Variants in ADAM32 observed in about 807,000 individuals in gnomAD.
ADAM32 encodes the protein ADAM metallopeptidase domain 32.
ADAM32 carries 89 observed loss-of-function variants against 114.9 expected under a neutral mutation model. That is an observed-to-expected ratio of 0.77 (90% CI 0.65 to 0.92). The LOEUF is 0.92. ADAM32 is among the 40% of genes least tolerant of loss of function. ADAM32 has a pLI of 0.00. For missense variants in ADAM32, 870 were observed against 932.8 expected (o/e 0.93, Z 0.88); for synonymous variants, 285 against 307.5 (o/e 0.93, Z 0.77).
chr8:39,233,931 A>T lies in ADAM32; in HGVS notation c.1667A>T (p.Tyr556Phe). The T allele has an allele frequency of 6.3e-7, 1 of 1,587,570 alleles. No homozygotes were observed. The highest frequency in any genetic ancestry group is 8.6e-7 in the Non-Finnish European group (1 of 1,166,174). ...ATATGTGGAAGATTAGTTTGTACCTACCCTACTCGAAAGCCTTTCCATCAA... is the reference window on the plus strand; with the variant it reads ...ATATGTGGAAGATTAGTTTGTACCTTCCCTACTCGAAAGCCTTTCCATCAA... ...NLICGRLVCT[Y>F]PTRKPFHQEN... Residue 556 changes from tyrosine (Y) to phenylalanine (F), a missense_variant, in exon 16 of 25, where the codon TAC (tyrosine) becomes TTC (phenylalanine). Coordinates refer to ENST00000379907, the MANE Select transcript of ADAM32 (RefSeq NM_145004.7).
intron 19 of ADAM32, among the ~76,000 whole-genome samples, chr8:39,265,145 G>A (rs1812276843): frequency 6.6e-6 from 1 of 152,110 alleles, no homozygotes; most frequent in South Asian, 2.1e-4. Flanking sequence ...CTCTTCGTAG[G>A]TCTCTAGGAA....
At chr8:39,228,516 C>T (rs1809540219) in intron 14 of ADAM32, among the ~76,000 whole-genome samples, 1 of 152,146 alleles carries the variant, frequency 6.6e-6, no homozygotes, top group Non-Finnish European at 1.5e-5. Context: ...TTTGGACACA[C>T]TGTTAGAAAT....
chr8:39,276,695 A>AT (rs1249653498), intron 22 of ADAM32, among the ~76,000 whole-genome samples: 1 of 152,070 alleles, frequency 6.6e-6, no homozygotes, highest in African/African-American at 2.4e-5. Context: ...CTCATTTTTA[A>AT]TCTGCCTCAT....
chr8:39,229,287 C>CA (rs1199652782), intron 14 of ADAM32, among the ~76,000 whole-genome samples: 2 of 152,066 alleles, frequency 1.3e-5, no homozygotes, highest in Admixed American at 6.5e-5. Flanking sequence ...AAAGCAAAAA[C>CA]AAAAAACCCA....
At chr8:39,119,605 A>G (rs965464242) in intron 2 of ADAM32, among the ~76,000 whole-genome samples, 1 of 151,742 alleles carries the variant, frequency 6.6e-6, no homozygotes, top group African/African-American at 2.4e-5. Flanking sequence ...TATTCTGGAC[A>G]CAACTTCTCT....
chr8:39,249,409 G>C lies in ADAM32; in HGVS notation c.1902+3243G>C, dbSNP rs1585641847. ...AATCTGATTTACTAATGTATAGTGAGAGTTTTTTGCATCTTTGCATCGACA... is the reference window on the plus strand; with the variant it reads ...AATCTGATTTACTAATGTATAGTGACAGTTTTTTGCATCTTTGCATCGACA... On this transcript the variant is annotated intron_variant, in intron 17 of 24. Transcript: ENST00000379907. Among the ~76,000 whole-genome samples the C allele has an allele frequency of 2.0e-5, 3 of 152,146 alleles. No homozygotes were observed. In the South Asian group the frequency reaches 6.2e-4, roughly 32 times the overall value.
chr8:39,172,352 G>A (rs1805254150), intron 10 of ADAM32, among the ~76,000 whole-genome samples: 1 of 151,964 alleles, frequency 6.6e-6, no homozygotes. Flanking sequence ...TAAGTTCTTG[G>A]GTACATATGC....
At chr8:39,183,477 C>T (rs1306346196) in intron 10 of ADAM32, among the ~76,000 whole-genome samples, 2 of 151,308 alleles carry the variant, frequency 1.3e-5, no homozygotes, top group African/African-American at 4.8e-5. Context: ...TAGTATATTC[C>T]CAATATAGTA....
intron 3 of ADAM32, among the ~76,000 whole-genome samples, chr8:39,140,378 T>C (rs1803071382): frequency 6.6e-6 from 1 of 152,210 alleles, no homozygotes. Flanking sequence ...CTGTTGAATT[T>C]TGTCAAAGGC....
intron 4 of ADAM32, among the ~76,000 whole-genome samples, chr8:39,148,884 CTG>C (rs1347434864): frequency 2.6e-5 from 4 of 152,104 alleles, no homozygotes; most frequent in Non-Finnish European, 1.5e-5. Context: ...GTTTGTGACT[CTG>C]TGTGTCTCTA....
Position 39,246,076 on chromosome 8 carries a change from T to C in ADAM32, c.1819-7T>C. On this transcript the variant is annotated splice_region_variant and splice_polypyrimidine_tract_variant and intron_variant, in intron 16 of 24. Coordinates refer to ENST00000379907, the MANE Select transcript of ADAM32 (RefSeq NM_145004.7). ...TGGGAACTTTTTTTGTATGTGTTTTTCTTTAGGTTTGTGTAAATCGTGAAT... is the reference window on the plus strand; with the variant it reads ...TGGGAACTTTTTTTGTATGTGTTTTCCTTTAGGTTTGTGTAAATCGTGAAT... 6.2e-7 allele frequency: 1 copy of C among 1,612,846 alleles called. No individual in the cohort carries two copies. The highest frequency in any genetic ancestry group is 8.5e-7 in the Non-Finnish European group (1 of 1,179,064).
chr8:39,141,621 A>G lies in ADAM32; in HGVS notation c.200+4903A>G, dbSNP rs951100297. 2.7e-4 allele frequency among the ~76,000 whole-genome samples: 41 copies of G among 152,292 alleles called. 1 individual carries two copies. The highest frequency in any genetic ancestry group is 4.6e-4 in the Admixed American group (7 of 15,296). ...TGTTTTACTACCAATGATGTGTTCA[A>G]TTTTAGAATAAGTGTGATGTGGTGC... is the stretch of plus-strand genomic sequence containing the variant. On this transcript the variant is annotated intron_variant, in intron 3 of 24. Transcript: ENST00000379907.
intron 11 of ADAM32, among the ~76,000 whole-genome samples, chr8:39,205,045 G>A (rs760520627): frequency 1.3e-5 from 2 of 152,222 alleles, no homozygotes; most frequent in African/African-American, 2.4e-5. Context: ...CTACTCAGGG[G>A]TGCCTCCCAG....
intron 17 of ADAM32, among the ~76,000 whole-genome samples, chr8:39,247,851 T>C (rs1207552637): frequency 6.6e-6 from 1 of 151,834 alleles, no homozygotes; most frequent in Non-Finnish European, 1.5e-5. Context: ...CTATGACCCA[T>C]TCTGGATTAA....
Position 39,145,023 on chromosome 8 carries a change from A to G in ADAM32, c.201-2107A>G, listed in dbSNP as rs567060005. 2.0e-5 allele frequency among the ~76,000 whole-genome samples: 3 copies of G among 152,244 alleles called. No individual in the cohort carries two copies. The East Asian group carries it at 5.8e-4, about 29-fold the overall frequency. On this transcript the variant is annotated intron_variant, in intron 3 of 24. Transcript: ENST00000379907. ...AATCATAGCATTTCTATACATTAAT[A>G]AGAAATTTTCCAAAAATGAAATCAA...
At chr8:39,268,004 A>C (rs1355808148) in intron 19 of ADAM32, among the ~76,000 whole-genome samples, 1 of 152,236 alleles carries the variant, frequency 6.6e-6, no homozygotes, top group Non-Finnish European at 1.5e-5. Flanking sequence ...AAGGACAAGC[A>C]AACTTAAGCA....
chr8:39,125,273 C>T (rs566787460), intron 2 of ADAM32, among the ~76,000 whole-genome samples: 38 of 152,026 alleles, frequency 2.5e-4, no homozygotes, highest in Non-Finnish European at 4.0e-4. Flanking sequence ...TAAGATCTAA[C>T]GGAATTTGTC....
chr8:39,204,748 T>C (rs934517197), intron 11 of ADAM32, among the ~76,000 whole-genome samples: 1 of 152,206 alleles, frequency 6.6e-6, no homozygotes, highest in Non-Finnish European at 1.5e-5. Flanking sequence ...TTTATCCCCA[T>C]CTTTGTGGTT....
intron 2 of ADAM32, among the ~76,000 whole-genome samples, chr8:39,131,361 CAT>C (rs1802445708): frequency 6.6e-6 from 1 of 152,106 alleles, no homozygotes; most frequent in Non-Finnish European, 1.5e-5. Flanking sequence ...CATGGTGGCA[CAT>C]GCCTGTAGTC....
Sources: allele counts gnomAD v4.1 joint callset (sites outside exome capture counted in the v4.1 genomes callset), GRCh38; gene constraint gnomAD v4.1.1; transcripts MANE v1.5; gene names NCBI Gene and HGNC (gene_info 2026-07-23, HGNC 2026-07-21).